ADGRG1: variants seen among roughly 807,000 people sequenced by gnomAD.
The protein encoded by ADGRG1 is adhesion G protein-coupled receptor G1.
In ADGRG1, 53 loss-of-function variants were observed where a neutral mutation model predicts 73.5. The observed-to-expected ratio is 0.72, with a 90% confidence interval of 0.58 to 0.91. The LOEUF (loss-of-function observed/expected upper bound fraction) is 0.91, where lower values mean the gene tolerates loss of function less well. Ranked by LOEUF, ADGRG1 falls within the 40% of genes least tolerant of loss-of-function variation. ADGRG1 has a pLI of 0.00. For synonymous variants in ADGRG1, 394 were observed against 374.4 expected (o/e 1.05, Z -0.60); for missense variants, 795 against 871.8 (o/e 0.91, Z 1.11).
intron 1 of ADGRG1, chr16:57,635,199 C>A (rs1422142452): frequency 1.0e-6 from 1 of 985,322 alleles, no homozygotes; most frequent in African/African-American, 1.7e-5. Flanking sequence ...CTTCCCCTGC[C>A]CCCCACCTGC....
chr16:57,626,351 T>G (rs1297830621), upstream of ADGRG1, among the ~76,000 whole-genome samples: 1 of 152,148 alleles, frequency 6.6e-6, no homozygotes, highest in Non-Finnish European at 1.5e-5. Context: ...TCATAACAGA[T>G]AGTGTTGTGT....
upstream of ADGRG1, chr16:57,623,190 G>C: frequency 3.1e-6 from 3 of 983,334 alleles, no homozygotes; most frequent in Non-Finnish European, 3.6e-6. Context: ...GCCTAGCACA[G>C]GATAAGTGCT....
At chr16:57,659,319 G>C in intron 10 of ADGRG1, 94 bp from the exon 11 acceptor site, 1 of 1,601,264 alleles carries the variant, frequency 6.2e-7, no homozygotes, top group Non-Finnish European at 8.5e-7. Context: ...TGTCGGGGTG[G>C]GGGGCAGTCT....
At position 57,651,295 on chromosome 16, in the gene ADGRG1, C is replaced by G. The variant is rs777421844; in HGVS notation, c.160C>G (p.Leu54Val). The change falls in exon 3 of 14, where the codon CTG (leucine) becomes GTG (valine). Residue 54 changes from leucine to valine, a missense_variant. By Grantham distance (32) the Leu-to-Val change is conservative (BLOSUM62 1). Transcript: ENST00000562631. Reference protein sequence around the residue: ...SSLHYKPTPDLRISIENSEEA... With the variant: ...SSLHYKPTPDVRISIENSEEA... ...CCTCCACTACAAACCCACACCAGAC[C>G]TGCGCATCTCCATCGAGAACTCCGA... The G allele has an allele frequency of 1.2e-6, 2 of 1,614,200 alleles. No individual in the cohort carries two copies. Among genetic ancestry groups the G allele is most frequent in the Non-Finnish European group, 1.7e-6 (2 of 1,180,024 alleles).
intron 1 of ADGRG1, chr16:57,633,163 A>T: frequency 8.2e-6 from 3 of 367,078 alleles, no homozygotes; most frequent in Non-Finnish European, 1.1e-5. Flanking sequence ...AAATGGAGAT[A>T]ACAATACATC....
In ADGRG1 at chr16:57,646,964, G is replaced by T. The variant is rs1322674547; in HGVS notation, c.-35-3289G>T. ...CGTGGTTGGTACTGAGCGCCTGATG[G>T]CTGAGGCCCTGTAGCGCTGGGGATC... On this transcript the variant is annotated intron_variant, in intron 1 of 13. Coordinates refer to ENST00000562631, the MANE Select transcript of ADGRG1 (RefSeq NM_201525.4). 1.5e-5 allele frequency: 15 copies of T among 984,816 alleles called. No individual in the cohort carries two copies. In the Admixed American group the frequency reaches 6.2e-4, roughly 40 times the overall value. 61.0% of individuals were successfully genotyped at this position (984,816 alleles called of 1,614,324 possible).
At position 57,653,268 on chromosome 16, in the gene ADGRG1, C is replaced by T. The variant is rs138495764; in HGVS notation, c.553C>T (p.Leu185=). 1.0e-4 allele frequency: 163 copies of T among 1,612,898 alleles called. 1 individual carries two copies. In the East Asian group the frequency reaches 3.6e-3, roughly 36 times the overall value. The part of the protein sequence containing the change: ...DMCELKRDLQ[L]LSQFLKHPQK... ...GTGCGAGCTCAAAAGGGACCTCCAG[C>T]TGCTCAGCCAGTTCCTGAAGCATCC... Residue 185 remains leucine (L), a synonymous_variant, in exon 4 of 14, where the codon CTG becomes TTG. Coordinates refer to ENST00000562631, the MANE Select transcript of ADGRG1 (RefSeq NM_201525.4).
upstream of ADGRG1, chr16:57,628,590 G>T: frequency 1.0e-6 from 1 of 985,466 alleles, no homozygotes; most frequent in Non-Finnish European, 1.2e-6. Context: ...GGCAGGAGAG[G>T]GGTGTCTCCC....
chr16:57,652,950 G>C, intron 3 of ADGRG1: 1 of 1,373,206 alleles, frequency 7.3e-7, no homozygotes, highest in South Asian at 1.5e-5. Context: ...GGAGGGTGCT[G>C]AGCAAGGCAC....
intron 1 of ADGRG1, chr16:57,636,786 T>A: frequency 1.2e-6 from 1 of 801,554 alleles, no homozygotes; most frequent in Non-Finnish European, 1.5e-6. Flanking sequence ...GTACTGGAGA[T>A]GCAGGTGGTG....
At chr16:57,627,355 G>A (rs1315500340), upstream of ADGRG1, 2 of 152,790 alleles carry the variant, frequency 1.3e-5, no homozygotes, top group Admixed American at 1.3e-4. Context: ...GCTGAGGCCT[G>A]GGGTGCTGGA....
upstream of ADGRG1, chr16:57,628,387 C>A: frequency 2.3e-6 from 1 of 429,442 alleles, no homozygotes; most frequent in Non-Finnish European, 3.1e-6. Context: ...TGTCCCTGAA[C>A]ACTGTCTGCC....
At chr16:57,623,785 A>G, upstream of ADGRG1, 1 of 985,340 alleles carries the variant, frequency 1.0e-6, no homozygotes. Flanking sequence ...TGGCGTTATC[A>G]TGGGACTATG....
intron 1 of ADGRG1, among the ~76,000 whole-genome samples, chr16:57,629,794 C>A (rs985988420): frequency 1.3e-5 from 2 of 152,154 alleles, no homozygotes; most frequent in African/African-American, 4.8e-5. Context: ...CACCCTGGTC[C>A]CCGCGGGGGC....
chr16:57,630,970 TG>T (rs1338037120), intron 1 of ADGRG1: 5 of 983,922 alleles, frequency 5.1e-6, no homozygotes, highest in East Asian at 1.1e-4. Context: ...ATCTGCTCTG[TG>T]GGGGGGAAGA....
Position 57,663,820 on chromosome 16 carries a change from A to G in ADGRG1, c.*238A>G. ...CCACGGGACTCAGAAGTGCGCCGCC[A>G]TGCTGCCTAGGGTACTGTCCCCACA... On this transcript the variant is annotated 3_prime_UTR_variant, in exon 14 of 14. Coordinates refer to ENST00000562631, the MANE Select transcript of ADGRG1 (RefSeq NM_201525.4). The G allele has an allele frequency of 1.7e-6, 1 of 587,816 alleles. No homozygotes were observed. The highest frequency in any genetic ancestry group is 3.0e-6 in the Non-Finnish European group (1 of 328,248). The allele number at this position is 587,816 out of a possible 1,614,324, so 36.4% of individuals were successfully genotyped here. A position where few individuals can be genotyped will look rare whatever the true frequency, so the allele number is the denominator to read the frequency against.
At chr16:57,632,045 C>T (rs542983200) in intron 1 of ADGRG1, 23 of 985,512 alleles carry the variant, frequency 2.3e-5, no homozygotes, top group Non-Finnish European at 2.8e-5. Flanking sequence ...TGGACCTTCC[C>T]TGACCTCAGA....
intron 1 of ADGRG1, among the ~76,000 whole-genome samples, chr16:57,637,099 C>T (rs1484832257): frequency 3.3e-5 from 5 of 152,010 alleles, no homozygotes; most frequent in East Asian, 1.9e-4. Flanking sequence ...CTGGAGTTGG[C>T]GACTGCAAGG....
upstream of ADGRG1, among the ~76,000 whole-genome samples, chr16:57,624,955 G>A (rs2035549786): frequency 3.3e-5 from 5 of 152,222 alleles, no homozygotes; most frequent in Non-Finnish European, 5.9e-5. Context: ...CTTGGCAGGC[G>A]AGGAGATAAA....
Sources: gnomAD v4.1 joint callset for allele counts (sites outside exome capture counted in the v4.1 genomes callset) on GRCh38, gnomAD v4.1.1 for gene constraint, MANE v1.5 for transcripts, NCBI Gene and HGNC (gene_info 2026-07-23, HGNC 2026-07-21) for gene names.